Variants in CFDP1 observed in about 807,000 individuals in gnomAD.
The protein encoded by CFDP1 is heterochromatin-stabilizing protein CFDP1.
Under a neutral mutation model 40.1 loss-of-function variants are expected in CFDP1, and 31 were observed. The ratio of observed to expected loss-of-function variants is 0.77; its 90% CI spans 0.58 to 1.04. The LOEUF (loss-of-function observed/expected upper bound fraction) is 1.04. Among genes scored for constraint, CFDP1 ranks in the 50% least tolerant of loss-of-function variants. The pLI is 0.00. For synonymous variants in CFDP1, 167 were observed against 120.0 expected, an observed-to-expected ratio of 1.39 and a Z score of -2.56; for missense variants, 423 against 343.4, an observed-to-expected ratio of 1.23 and a Z score of -1.83.
At position 75,366,049 on chromosome 16, in the gene CFDP1, T is replaced by C. The variant is rs111279631; in HGVS notation, c.650+29041A>G. ...ACTCCTAGGTATCAATCCTAGAAAATGAAAACATGTCCACATAAAGACCTG... is the reference window on the plus strand; with the variant it reads ...ACTCCTAGGTATCAATCCTAGAAAACGAAAACATGTCCACATAAAGACCTG... On this transcript the variant is annotated intron_variant, in intron 5 of 6. Coordinates refer to ENST00000283882, the MANE Select transcript of CFDP1 (RefSeq NM_006324.3). Among the ~76,000 whole-genome samples, 1,262 of 152,202 alleles carry C rather than the reference T, an allele frequency of 8.3e-3. 21 individuals carry two copies. Among genetic ancestry groups the C allele is most frequent in the African/African-American group, 0.028 (1,155 of 41,532 alleles).
At chr16:75,392,022 T>C (rs3096428) in intron 5 of CFDP1, among the ~76,000 whole-genome samples, 151,809 of 152,280 alleles carry the variant, frequency 1, 75,669 homozygotes, top group Middle Eastern at 1. Context: ...TGAAGAGAAC[T>C]CCCTGCAAAC....
At chr16:75,351,084 T>G (rs532974238) in intron 5 of CFDP1, among the ~76,000 whole-genome samples, 7 of 152,316 alleles carry the variant, frequency 4.6e-5, no homozygotes, top group African/African-American at 1.7e-4. Flanking sequence ...ATGTATGTAT[T>G]GTGAAATAAA....
At chr16:75,387,436 C>T (rs183526864) in intron 5 of CFDP1, among the ~76,000 whole-genome samples, 1 of 152,200 alleles carries the variant, frequency 6.6e-6, no homozygotes, top group African/African-American at 2.4e-5. Flanking sequence ...CCACTGCGCC[C>T]GGCCAGGGTA....
At chr16:75,319,879 G>A (rs1470828125) in intron 5 of CFDP1, among the ~76,000 whole-genome samples, 2 of 152,112 alleles carry the variant, frequency 1.3e-5, no homozygotes, top group East Asian at 3.9e-4. Context: ...GCAATACAAT[G>A]GATTTCAACA....
In CFDP1 at chr16:75,433,330, T is replaced by C. The variant is rs761834016; in HGVS notation, c.23A>G (p.Asp8Gly). The C allele has an allele frequency of 6.3e-7, 1 of 1,599,952 alleles. No individual in the cohort carries two copies. The highest frequency in any genetic ancestry group is 8.5e-7 in the Non-Finnish European group (1 of 1,173,982). The stretch of plus-strand genomic sequence containing the variant: ...CTCGTCCTCCTCCGACGTAGAGAAG[T>C]CTTCGGAGTCGAATTCCTCCATGTT... MEEFDSE[D>G]FSTSEEDEDY... The change falls in exon 1 of 7, where the codon GAC becomes GGC. Residue 8 changes from aspartate (D) to glycine (G), a missense_variant. Physicochemically the swap from Asp to Gly is moderately conservative, Grantham distance 94. Coordinates refer to ENST00000283882, the MANE Select transcript of CFDP1 (RefSeq NM_006324.3).
intron 5 of CFDP1, chr16:75,380,246 A>G (rs1221073140): frequency 6.6e-6 from 1 of 152,236 alleles, no homozygotes; most frequent in Non-Finnish European, 1.5e-5. Context: ...TTTCCAGATA[A>G]AGACCTAGAA....
chr16:75,418,029 G>A (rs896617646), intron 1 of CFDP1, among the ~76,000 whole-genome samples: 1 of 151,946 alleles, frequency 6.6e-6, no homozygotes, highest in African/African-American at 2.4e-5. Context: ...TGAGGTGGGT[G>A]TATCACCTGA....
At chr16:75,374,295 T>G (rs535148179) in intron 5 of CFDP1, among the ~76,000 whole-genome samples, 1 of 152,196 alleles carries the variant, frequency 6.6e-6, no homozygotes, top group Non-Finnish European at 1.5e-5. Flanking sequence ...TACTAGCCAT[T>G]AACAAGAATC....
intron 5 of CFDP1, among the ~76,000 whole-genome samples, chr16:75,349,376 G>A (rs1268185700): frequency 6.6e-6 from 1 of 151,430 alleles, no homozygotes; most frequent in Non-Finnish European, 1.5e-5. Context: ...CGGGCGTGGT[G>A]GCGGGCGACT....
chr16:75,361,080 G>T (rs1222466024), intron 5 of CFDP1, among the ~76,000 whole-genome samples: 5 of 152,098 alleles, frequency 3.3e-5, no homozygotes, highest in Admixed American at 3.3e-4. Context: ...CGTGATCTTG[G>T]CTTACTACAA....
intron 4 of CFDP1, among the ~76,000 whole-genome samples, chr16:75,405,089 C>G (rs1450471177): frequency 6.6e-6 from 1 of 152,120 alleles, no homozygotes; most frequent in East Asian, 1.9e-4. Flanking sequence ...GACAATGTCA[C>G]AATACTCAAG....
chr16:75,390,345 T>C (rs752941219), intron 5 of CFDP1, among the ~76,000 whole-genome samples: 5 of 152,244 alleles, frequency 3.3e-5, no homozygotes, highest in African/African-American at 4.8e-5. Context: ...CTGCCCTTGC[T>C]GGCCTGCACA....
intron 4 of CFDP1, among the ~76,000 whole-genome samples, chr16:75,406,337 AC>A (rs780989021): frequency 1.4e-4 from 22 of 152,264 alleles, no homozygotes; most frequent in East Asian, 1.2e-3. Context: ...TGAGGGAGCC[AC>A]TACACTCCAG....
At chr16:75,331,916 G>T (rs2078448468) in intron 5 of CFDP1, among the ~76,000 whole-genome samples, 1 of 152,188 alleles carries the variant, frequency 6.6e-6, no homozygotes, top group African/African-American at 2.4e-5. Flanking sequence ...ACACGTTATA[G>T]TCCTACCATC....
At chr16:75,355,658 G>A (rs1320740425) in intron 5 of CFDP1, among the ~76,000 whole-genome samples, 4 of 152,148 alleles carry the variant, frequency 2.6e-5, no homozygotes, top group African/African-American at 7.2e-5. Context: ...AGGATAAGGT[G>A]GAGGTAACTG....
intron 5 of CFDP1, among the ~76,000 whole-genome samples, chr16:75,334,445 C>T (rs551177987): frequency 6.7e-6 from 1 of 149,794 alleles, no homozygotes; most frequent in Non-Finnish European, 1.5e-5. Flanking sequence ...GATACAAGCC[C>T]CAGAAATAGG....
chr16:75,363,942 A>AACACACACACACACACACACACAC (rs10635711), intron 5 of CFDP1, among the ~76,000 whole-genome samples: 1 of 142,830 alleles, frequency 7.0e-6, no homozygotes, highest in Non-Finnish European at 1.5e-5. Flanking sequence ...AAAGAGGTGA[A>AACACACACACACACACACACACAC]ACACACACAC....
chr16:75,336,527 A>G (rs956607279), intron 5 of CFDP1, among the ~76,000 whole-genome samples: 3 of 152,244 alleles, frequency 2.0e-5, no homozygotes, highest in African/African-American at 7.2e-5. Flanking sequence ...CTGCACATAC[A>G]AACAATGCAT....
At position 75,354,811 on chromosome 16, in the gene CFDP1, G is replaced by A. The variant is rs1315101490; in HGVS notation, c.650+40279C>T. ...ATGGGAAATTATAATAAAGAGTGGAGTTTGGATAATAGTACCGTCCCGTTG... is the reference window on the plus strand; with the variant it reads ...ATGGGAAATTATAATAAAGAGTGGAATTTGGATAATAGTACCGTCCCGTTG... On this transcript the variant is annotated intron_variant, in intron 5 of 6. Coordinates refer to ENST00000283882, the MANE Select transcript of CFDP1 (RefSeq NM_006324.3). 2.0e-5 allele frequency among the ~76,000 whole-genome samples: 3 copies of A among 152,198 alleles called. No individual in the cohort carries two copies. The East Asian group carries it at 5.8e-4, about 29-fold the overall frequency.
Sources: gnomAD v4.1 joint callset for allele counts (sites outside exome capture counted in the v4.1 genomes callset) on GRCh38, gnomAD v4.1.1 for gene constraint, MANE v1.5 for transcripts, NCBI Gene and HGNC (gene_info 2026-07-23, HGNC 2026-07-21) for gene names.